MPPED1: variants seen among roughly 807,000 people sequenced by gnomAD.
The protein encoded by MPPED1 is metallophosphoesterase domain containing 1, also known as metallophosphoesterase domain-containing protein 1.
Under a neutral mutation model 36.2 loss-of-function variants are expected in MPPED1, and 16 were observed. That is an observed-to-expected ratio of 0.44 (90% CI 0.30 to 0.67). The LOEUF is 0.67. MPPED1 is among the 30% of genes least tolerant of loss of function. MPPED1 has a pLI of 0.10. For synonymous variants in MPPED1, 199 were observed against 191.3 expected (o/e 1.04, Z -0.33); for missense variants, 307 against 453.4 (o/e 0.68, Z 2.93).
At chr22:43,451,753 G>A (rs1051325255) in intron 3 of MPPED1, among the ~76,000 whole-genome samples, 4 of 152,194 alleles carry the variant, frequency 2.6e-5, no homozygotes, top group East Asian at 1.9e-4. Context: ...CCTGTGTCCC[G>A]GGTGAGTCCA....
intron 2 of MPPED1, among the ~76,000 whole-genome samples, chr22:43,426,693 A>T (rs2146821952): frequency 6.6e-6 from 1 of 152,296 alleles, no homozygotes; most frequent in Admixed American, 6.5e-5. Context: ...AGCTGCAGGG[A>T]AGGGCTCTGC....
chr22:43,476,151 A>C (rs1292851244), intron 4 of MPPED1, among the ~76,000 whole-genome samples: 1 of 152,114 alleles, frequency 6.6e-6, no homozygotes, highest in Non-Finnish European at 1.5e-5. Flanking sequence ...CCCTAGGCTA[A>C]AGGCTCTATA....
chr22:43,426,908 C>T (rs1366400295), intron 2 of MPPED1, among the ~76,000 whole-genome samples: 1 of 152,268 alleles, frequency 6.6e-6, no homozygotes, highest in Non-Finnish European at 1.5e-5. Flanking sequence ...GGCCCCGGGC[C>T]TCAGGCTTGC....
intron 4 of MPPED1, among the ~76,000 whole-genome samples, chr22:43,475,568 ATGGTTG>A (rs1475849254): frequency 4.6e-5 from 2 of 43,122 alleles, no homozygotes; most frequent in Admixed American, 2.5e-4. Flanking sequence ...GGTGATGATG[ATGGTTG>A]TGGTGGTGGT....
At chr22:43,471,380 G>A (rs376605201) in intron 3 of MPPED1, among the ~76,000 whole-genome samples, 1 of 152,174 alleles carries the variant, frequency 6.6e-6, no homozygotes, top group African/African-American at 2.4e-5. Context: ...GGAGGGGCTC[G>A]ATGAGGGGTC....
chr22:43,488,292 G>C (rs191756288), intron 4 of MPPED1, among the ~76,000 whole-genome samples: 9 of 152,322 alleles, frequency 5.9e-5, no homozygotes, highest in African/African-American at 1.9e-4. Flanking sequence ...CGCAGCCAGG[G>C]ATGGCTGTAC....
intron 3 of MPPED1, among the ~76,000 whole-genome samples, chr22:43,442,359 G>C (rs914101722): frequency 6.6e-6 from 1 of 151,666 alleles, no homozygotes. Flanking sequence ...CTTCCTGCCT[G>C]GGTGCACCTC....
At chr22:43,440,433 G>C (rs991136869) in intron 3 of MPPED1, among the ~76,000 whole-genome samples, 7 of 152,118 alleles carry the variant, frequency 4.6e-5, no homozygotes, top group African/African-American at 1.4e-4. Flanking sequence ...AGGAGGGGAG[G>C]CTGAACACCC....
intron 3 of MPPED1, among the ~76,000 whole-genome samples, chr22:43,457,899 A>G (rs1314566584): frequency 6.6e-6 from 1 of 152,262 alleles, no homozygotes; most frequent in African/African-American, 2.4e-5. Context: ...TGTGCTGTGT[A>G]ATGATGTTTC....
chr22:43,507,808 T>G lies in MPPED1; in HGVS notation c.*2192T>G, dbSNP rs1003769445. The G allele has an allele frequency of 8.5e-6, 1 of 117,220 alleles. No individual in the cohort carries two copies. The highest frequency in any genetic ancestry group is 3.8e-5 in the African/African-American group (1 of 26,644). 7.3% of individuals were successfully genotyped at this position (117,220 alleles called of 1,614,324 possible). A position where few individuals can be genotyped will look rare whatever the true frequency, so the allele number is the denominator to read the frequency against. ...TGGCTGTAATTTTTTTTTTTTTTTT[T>G]GTCAAGCATGTCAGACAATAAAGTC... On this transcript the variant is annotated 3_prime_UTR_variant, in exon 7 of 7. Coordinates refer to ENST00000443721, the MANE Select transcript of MPPED1 (RefSeq NM_001044370.2).
intron 1 of MPPED1, among the ~76,000 whole-genome samples, chr22:43,420,748 G>A (rs1929242626): frequency 6.6e-6 from 1 of 152,134 alleles, no homozygotes; most frequent in Admixed American, 6.5e-5. Flanking sequence ...CCATCACCCT[G>A]TTCTGTCTTT....
In MPPED1 at chr22:43,412,051, C is replaced by T. The variant is rs954274816; in HGVS notation, c.-186C>T. 5 of 978,578 alleles carry T rather than the reference C, an allele frequency of 5.1e-6. No homozygotes were observed. In the African/African-American group the frequency reaches 8.9e-5, roughly 17 times the overall value. 60.6% of individuals were successfully genotyped at this position (978,578 alleles called of 1,614,324 possible). A position where few individuals can be genotyped will look rare whatever the true frequency, so the allele number is the denominator to read the frequency against. ...GGACGCGCGGCGAGGCGGCCGCCGCCGGAGGAGCCCCCGCCCCTGCGCGCC... is the reference window on the plus strand; with the variant it reads ...GGACGCGCGGCGAGGCGGCCGCCGCTGGAGGAGCCCCCGCCCCTGCGCGCC... On this transcript the variant is annotated 5_prime_UTR_variant, in exon 1 of 7. Transcript: ENST00000443721.
At chr22:43,497,925 A>G (rs1385405648) in intron 4 of MPPED1, among the ~76,000 whole-genome samples, 5 of 81,740 alleles carry the variant, frequency 6.1e-5, no homozygotes, top group African/African-American at 3.8e-4. Context: ...GCTGATATAT[A>G]TATGTATATG....
chr22:43,452,791 G>C (rs1054289058), intron 3 of MPPED1, among the ~76,000 whole-genome samples: 1 of 151,808 alleles, frequency 6.6e-6, no homozygotes, highest in Non-Finnish European at 1.5e-5. Context: ...ACCACGCCTG[G>C]CTACTTTTTT....
intron 1 of MPPED1, chr22:43,418,034 G>C (rs1038490374): frequency 2.0e-5 from 9 of 456,060 alleles, no homozygotes; most frequent in South Asian, 3.1e-5. Context: ...TGTCATCCGA[G>C]TTTTGGACCC....
chr22:43,459,610 A>T (rs1930876145), intron 3 of MPPED1, among the ~76,000 whole-genome samples: 1 of 152,166 alleles, frequency 6.6e-6, no homozygotes, highest in Non-Finnish European at 1.5e-5. Context: ...ACTACTGTTG[A>T]GACCCTCTAA....
At chr22:43,497,357 C>T (rs948647488) in intron 4 of MPPED1, among the ~76,000 whole-genome samples, 8 of 151,940 alleles carry the variant, frequency 5.3e-5, no homozygotes, top group South Asian at 4.1e-4. Flanking sequence ...TGTGTTGGCC[C>T]GTATAATTGG....
chr22:43,418,248 G>A (rs1929144666), intron 1 of MPPED1: 1 of 438,504 alleles, frequency 2.3e-6, no homozygotes, highest in African/African-American at 2.0e-5. Flanking sequence ...CAGCAGATGT[G>A]AACTGGGGCT....
chr22:43,485,893 T>C (rs1262659622), intron 4 of MPPED1, among the ~76,000 whole-genome samples: 1 of 152,258 alleles, frequency 6.6e-6, no homozygotes, highest in Non-Finnish European at 1.5e-5. Context: ...ATTGACGGGC[T>C]TTGGGGACGC....
Sources: allele counts gnomAD v4.1 joint callset (sites outside exome capture counted in the v4.1 genomes callset), GRCh38; gene constraint gnomAD v4.1.1; transcripts MANE v1.5; gene names NCBI Gene and HGNC (gene_info 2026-07-23, HGNC 2026-07-21).